GRIN2A: variants seen among roughly 807,000 people sequenced by gnomAD.
GRIN2A encodes the protein glutamate receptor ionotropic, NMDA 2A.
A neutral mutation model predicts 113.4 loss-of-function variants in GRIN2A; 22 were observed. The observed-to-expected ratio is 0.19, with a 90% CI of 0.14 to 0.28. The LOEUF (loss-of-function observed/expected upper bound fraction) is 0.28, where lower values mean the gene tolerates loss of function less well. GRIN2A is among the 10% of genes least tolerant of loss of function. GRIN2A has a pLI of 1.00. For missense variants in GRIN2A, 1,502 were observed against 1,887.0 expected, an observed-to-expected ratio of 0.80 and a Z score of 3.78; for synonymous variants, 827 against 738.4, an observed-to-expected ratio of 1.12 and a Z score of -1.94.
At chr16:9,848,642 T>C (rs2042820742) in intron 5 of GRIN2A, among the ~76,000 whole-genome samples, 1 of 146,896 alleles carries the variant, frequency 6.8e-6, no homozygotes, top group Non-Finnish European at 1.5e-5. Flanking sequence ...AAACATATGG[T>C]GTTTTATATA....
intron 3 of GRIN2A, among the ~76,000 whole-genome samples, chr16:9,926,584 A>G (rs117040560): frequency 0.015 from 2,306 of 152,336 alleles, 21 homozygotes; most frequent in Non-Finnish European, 0.024. Context: ...ATATCTGCCA[A>G]TCTTAATAAT....
intron 4 of GRIN2A, among the ~76,000 whole-genome samples, chr16:9,879,645 C>A (rs1399479106): frequency 6.6e-6 from 1 of 152,126 alleles, no homozygotes; most frequent in African/African-American, 2.4e-5. Flanking sequence ...TAGCTCATGT[C>A]TAAGAGTGCA....
chr16:9,952,745 A>G (rs939247834), intron 2 of GRIN2A, among the ~76,000 whole-genome samples: 1 of 152,224 alleles, frequency 6.6e-6, no homozygotes, highest in Non-Finnish European at 1.5e-5. Context: ...AGCCTGCCAC[A>G]GAGAGGAACT....
chr16:10,038,085 C>A (rs1455359576), intron 2 of GRIN2A, among the ~76,000 whole-genome samples: 1 of 152,002 alleles, frequency 6.6e-6, no homozygotes, highest in Non-Finnish European at 1.5e-5. Flanking sequence ...AAACAACAGA[C>A]TTTATTTCTC....
intron 11 of GRIN2A, among the ~76,000 whole-genome samples, chr16:9,769,521 A>G (rs143029107): frequency 0.021 from 3,135 of 146,122 alleles, 101 homozygotes; most frequent in African/African-American, 0.071. Context: ...CCTGCCCCCA[A>G]TACCCACCCA....
In GRIN2A at chr16:9,764,193, G is replaced by A. The variant is rs1462511588; in HGVS notation, c.3351C>T (p.Ile1117=). Residue 1117 remains isoleucine, a synonymous_variant, in exon 13 of 13, where the codon ATC becomes ATT. Transcript: ENST00000330684. ...GCTCCTTCTCACCATCTATAGTGTA[G>A]ATCTTGTCTCTAGGGGAGCTTGATT... is the stretch of plus-strand genomic sequence containing the variant. ...KTKSSSPRDK[I]YTIDGEKEPG... is the part of the protein sequence containing the mutation. 4 of 1,613,758 alleles carry A rather than the reference G, an allele frequency of 2.5e-6. No homozygotes were observed. In the East Asian group the frequency reaches 8.9e-5, roughly 36 times the overall value.
chr16:9,968,649 C>G (rs973729825), intron 2 of GRIN2A, among the ~76,000 whole-genome samples: 4 of 151,944 alleles, frequency 2.6e-5, no homozygotes, highest in Admixed American at 6.6e-5. Flanking sequence ...CTCTTGTTAC[C>G]CAGGCGGGAG....
rs548500257 is a variant in GRIN2A at position 9,866,928 on chromosome 16, C to G, written c.1123-16967G>C. ...TTAGAACTGCTTGACTCAAATGACTCTGAATTCAGAAAATCCACAGCTCTC... is the reference window on the plus strand; with the variant it reads ...TTAGAACTGCTTGACTCAAATGACTGTGAATTCAGAAAATCCACAGCTCTC... On this transcript the variant is annotated intron_variant, in intron 4 of 12. Transcript: ENST00000330684. Among the ~76,000 whole-genome samples, 17 of 152,314 alleles carry G rather than the reference C, an allele frequency of 1.1e-4. No individual in the cohort carries two copies. In the South Asian group the frequency reaches 3.3e-3, roughly 30 times the overall value.
chr16:10,026,743 A>G lies in GRIN2A; in HGVS notation c.415-88192T>C, dbSNP rs548131919. 3.3e-5 allele frequency among the ~76,000 whole-genome samples: 5 copies of G among 152,324 alleles called. No individual in the cohort carries two copies. The East Asian group carries it at 9.6e-4, about 29-fold the overall frequency. ...GAAAGCCTAGTAGCTCCACTCAGTG[A>G]GAAACACGCCAAACAAGAACCAGGT... On this transcript the variant is annotated intron_variant, in intron 2 of 12. Coordinates refer to ENST00000330684, the MANE Select transcript of GRIN2A (RefSeq NM_001134407.3).
chr16:9,821,534 A>G (rs1453207261), intron 10 of GRIN2A, among the ~76,000 whole-genome samples: 6 of 152,218 alleles, frequency 3.9e-5, no homozygotes, highest in Admixed American at 3.3e-4. Context: ...TCTAACCTTT[A>G]CAATAAATAA....
At chr16:9,849,410 T>C (rs922454956) in intron 5 of GRIN2A, among the ~76,000 whole-genome samples, 1 of 151,900 alleles carries the variant, frequency 6.6e-6, no homozygotes, top group Non-Finnish European at 1.5e-5. Flanking sequence ...GTTAAAAACA[T>C]GTCTGTGGAG....
At chr16:9,998,295 G>C (rs1333095767) in intron 2 of GRIN2A, among the ~76,000 whole-genome samples, 1 of 152,142 alleles carries the variant, frequency 6.6e-6, no homozygotes, top group Non-Finnish European at 1.5e-5. Flanking sequence ...ACAGGAGCCA[G>C]GCATAACACT....
chr16:9,819,262 G>A (rs1872516608), intron 10 of GRIN2A, among the ~76,000 whole-genome samples: 1 of 152,102 alleles, frequency 6.6e-6, no homozygotes, highest in African/African-American at 2.4e-5. Flanking sequence ...ACTCACTCCT[G>A]TAATCCCAGC....
intron 2 of GRIN2A, among the ~76,000 whole-genome samples, chr16:10,178,662 C>T (rs932531949): frequency 6.6e-6 from 1 of 152,250 alleles, no homozygotes; most frequent in African/African-American, 2.4e-5. Flanking sequence ...TAATAAGACA[C>T]TGCATCAATT....
intron 2 of GRIN2A, among the ~76,000 whole-genome samples, chr16:10,142,232 A>T (rs970284690): frequency 2.0e-5 from 3 of 151,864 alleles, no homozygotes; most frequent in African/African-American, 7.3e-5. Context: ...TATAAGGGTC[A>T]CACACACACA....
At chr16:9,969,241 C>T (rs1411476011) in intron 2 of GRIN2A, among the ~76,000 whole-genome samples, 1 of 152,118 alleles carries the variant, frequency 6.6e-6, no homozygotes, top group Non-Finnish European at 1.5e-5. Context: ...AATCTTTCCT[C>T]TACTGACATC....
intron 2 of GRIN2A, among the ~76,000 whole-genome samples, chr16:10,038,061 T>A (rs2047067390): frequency 6.6e-6 from 1 of 150,394 alleles, no homozygotes; most frequent in Non-Finnish European, 1.5e-5. Context: ...ACAAAACACA[T>A]AAACTGCGCG....
At chr16:9,852,813 G>A (rs1404287697) in intron 4 of GRIN2A, among the ~76,000 whole-genome samples, 2 of 152,184 alleles carry the variant, frequency 1.3e-5, no homozygotes, top group African/African-American at 4.8e-5. Flanking sequence ...GACTATAACT[G>A]AGGCCAGTGT....
chr16:10,154,162 C>A (rs1028951009), intron 2 of GRIN2A, among the ~76,000 whole-genome samples: 1 of 152,152 alleles, frequency 6.6e-6, no homozygotes, highest in African/African-American at 2.4e-5. Flanking sequence ...CTCACCACAT[C>A]CCCCTCCCCA....
Sources: allele counts gnomAD v4.1 joint callset (sites outside exome capture counted in the v4.1 genomes callset), GRCh38; gene constraint gnomAD v4.1.1; transcripts MANE v1.5; gene names NCBI Gene and HGNC (gene_info 2026-07-23, HGNC 2026-07-21).